RARB: variants seen among roughly 807,000 people sequenced by gnomAD.
RARB encodes HBV-activated protein.
RARB carries 17 observed loss-of-function variants against 51.9 expected under a neutral mutation model. That is an observed-to-expected ratio of 0.33 (90% CI 0.22 to 0.49). RARB has a LOEUF of 0.49. Among genes scored for constraint, RARB ranks in the 20% least tolerant of loss-of-function variants. The pLI, the probability that RARB is intolerant of heterozygous loss-of-function variation, is 0.99. For missense variants in RARB, 369 were observed against 550.8 expected, an observed-to-expected ratio of 0.67 and a Z score of 3.30; for synonymous variants, 215 against 195.4, an observed-to-expected ratio of 1.10 and a Z score of -0.84.
intron 3 of RARB, among the ~76,000 whole-genome samples, chr3:25,567,000 C>T (rs1439826781): frequency 1.3e-5 from 2 of 152,168 alleles, no homozygotes; most frequent in African/African-American, 2.4e-5. Flanking sequence ...CCTTGCCACA[C>T]AATCACTAAA....
At chr3:25,391,904 A>G (rs1706970501) in intron 5 of RARB, among the ~76,000 whole-genome samples, 1 of 152,026 alleles carries the variant, frequency 6.6e-6, no homozygotes, top group African/African-American at 2.4e-5. Flanking sequence ...ATTAAGTCTC[A>G]TCTATTTATC....
intron 5 of RARB, among the ~76,000 whole-genome samples, chr3:25,206,671 T>G (rs1017269480): frequency 2.0e-5 from 3 of 152,126 alleles, no homozygotes; most frequent in Admixed American, 1.3e-4. Context: ...ATACAGTAGC[T>G]CAATGAAACA....
chr3:25,212,875 G>T (rs986956286), intron 5 of RARB, among the ~76,000 whole-genome samples: 1 of 152,150 alleles, frequency 6.6e-6, no homozygotes, highest in Non-Finnish European at 1.5e-5. Context: ...GCTATGTAGA[G>T]TAAAAATCTT....
At chr3:25,223,330 A>G (rs73042357) in intron 5 of RARB, among the ~76,000 whole-genome samples, 12,793 of 152,248 alleles carry the variant, frequency 0.084, 705 homozygotes, top group Non-Finnish European at 0.13. Context: ...TTTATTGCTG[A>G]ACAGTATTTC....
intron 2 of RARB, among the ~76,000 whole-genome samples, chr3:24,919,303 C>T (rs925605283): frequency 9.2e-5 from 14 of 152,132 alleles, no homozygotes; most frequent in African/African-American, 3.1e-4. Flanking sequence ...TAAGTTTAGC[C>T]TAAAGCTGCC....
Position 25,593,652 on chromosome 3 carries a change from G to A in RARB, c.936G>A (p.Leu312=). The change falls in exon 6 of 8, where the codon TTG becomes TTA. Residue 312 remains leucine (L), a synonymous_variant. Transcript: ENST00000330688. ...VFTFANQLLP[L]EMDDTETGLL... Reference sequence around the variant, plus strand: ...CCTTTGCCAACCAGCTCCTGCCTTTGGAAATGGATGACACAGAAACAGGCC... The same window carrying A: ...CCTTTGCCAACCAGCTCCTGCCTTTAGAAATGGATGACACAGAAACAGGCC... 1.2e-6 allele frequency: 2 copies of A among 1,614,110 alleles called. No individual in the cohort carries two copies. The highest frequency in any genetic ancestry group is 1.7e-6 in the Non-Finnish European group (2 of 1,179,994).
chr3:25,251,104 C>A (rs904097287), intron 5 of RARB, among the ~76,000 whole-genome samples: 1 of 152,046 alleles, frequency 6.6e-6, no homozygotes. Context: ...GAGTGAGTAC[C>A]ACATTCCTCT....
At chr3:24,950,295 T>A (rs950906361) in intron 2 of RARB, among the ~76,000 whole-genome samples, 2 of 152,222 alleles carry the variant, frequency 1.3e-5, no homozygotes, top group African/African-American at 2.4e-5. Context: ...TGCCCTATTT[T>A]GTATTTAATT....
At chr3:25,197,076 A>G (rs1175890256) in intron 5 of RARB, among the ~76,000 whole-genome samples, 1 of 151,986 alleles carries the variant, frequency 6.6e-6, no homozygotes, top group African/African-American at 2.4e-5. Flanking sequence ...GTTTAATTCG[A>G]TGCCATTTGT....
chr3:25,031,214 A>G (rs2125290082), intron 2 of RARB, among the ~76,000 whole-genome samples: 1 of 152,306 alleles, frequency 6.6e-6, no homozygotes, highest in Non-Finnish European at 1.5e-5. Context: ...TATCCTTGGG[A>G]CAAAAGTGCT....
chr3:25,367,299 G>C (rs1023048700), intron 5 of RARB, among the ~76,000 whole-genome samples: 1 of 152,184 alleles, frequency 6.6e-6, no homozygotes, highest in African/African-American at 2.4e-5. Flanking sequence ...AATGGCATCA[G>C]TCACACTTTG....
intron 5 of RARB, among the ~76,000 whole-genome samples, chr3:25,381,031 C>T (rs1022118775): frequency 6.6e-6 from 1 of 152,062 alleles, no homozygotes; most frequent in Non-Finnish European, 1.5e-5. Context: ...TATTGTTTCT[C>T]TTCCTTCACT....
intron 3 of RARB, among the ~76,000 whole-genome samples, chr3:25,077,781 G>A (rs952916435): frequency 1.3e-5 from 2 of 151,864 alleles, no homozygotes; most frequent in African/African-American, 4.8e-5. Context: ...TTTACGGAGT[G>A]GTTTTACCAT....
At chr3:25,357,201 G>A (rs900270496) in intron 5 of RARB, among the ~76,000 whole-genome samples, 10 of 152,020 alleles carry the variant, frequency 6.6e-5, no homozygotes, top group African/African-American at 2.2e-4. Context: ...TTTAATGATC[G>A]CCATTCTAAC....
intron 5 of RARB, among the ~76,000 whole-genome samples, chr3:25,370,862 C>T (rs974966763): frequency 6.6e-6 from 1 of 152,220 alleles, no homozygotes; most frequent in African/African-American, 2.4e-5. Context: ...GTTGCACTCA[C>T]TCCAGAGTCT....
chr3:24,943,822 C>G (rs918537752), intron 2 of RARB, among the ~76,000 whole-genome samples: 3 of 152,280 alleles, frequency 2.0e-5, no homozygotes, highest in Middle Eastern at 3.4e-3. Flanking sequence ...CATTTGAAAA[C>G]TTAGCATTCA....
chr3:24,995,518 G>A (rs1697002442), intron 2 of RARB, among the ~76,000 whole-genome samples: 1 of 151,956 alleles, frequency 6.6e-6, no homozygotes, highest in Non-Finnish European at 1.5e-5. Flanking sequence ...AATAAAAGTG[G>A]TGAGAGTGGG....
chr3:25,536,376 C>T (rs73048050), intron 3 of RARB, among the ~76,000 whole-genome samples: 6,705 of 151,236 alleles, frequency 0.044, 200 homozygotes, highest in Middle Eastern at 0.14. Context: ...GTGTGCATGC[C>T]TCAGAAGACT....
At chr3:25,330,845 A>G (rs1302011998) in intron 5 of RARB, among the ~76,000 whole-genome samples, 23 of 152,048 alleles carry the variant, frequency 1.5e-4, no homozygotes, top group Non-Finnish European at 1.2e-4. Flanking sequence ...GAAAATAAAA[A>G]AACAAACAAA....
Sources: gnomAD v4.1 joint callset for allele counts (sites outside exome capture counted in the v4.1 genomes callset) on GRCh38, gnomAD v4.1.1 for gene constraint, MANE v1.5 for transcripts, NCBI Gene and HGNC (gene_info 2026-07-23, HGNC 2026-07-21) for gene names.